Variants in CAP2 observed in about 807,000 individuals in gnomAD.
CAP2 encodes adenylyl cyclase-associated protein 2.
Under a neutral mutation model 57.7 loss-of-function variants are expected in CAP2, and 24 were observed. That is an observed-to-expected ratio of 0.42 (90% CI 0.30 to 0.58). The LOEUF (loss-of-function observed/expected upper bound fraction) is 0.58. CAP2 is among the 20% of genes least tolerant of loss of function. The pLI is 0.22. For synonymous variants in CAP2, 194 were observed against 207.2 expected (o/e 0.94, Z 0.55); for missense variants, 501 against 590.3 (o/e 0.85, Z 1.57).
At chr6:17,404,416 T>G (rs936204001) in intron 1 of CAP2, among the ~76,000 whole-genome samples, 4 of 152,064 alleles carry the variant, frequency 2.6e-5, no homozygotes, top group South Asian at 2.1e-4. Context: ...CCATCCTGGC[T>G]AACACGGTGA....
At chr6:17,409,451 A>G (rs1434133588) in intron 1 of CAP2, among the ~76,000 whole-genome samples, 2 of 152,092 alleles carry the variant, frequency 1.3e-5, no homozygotes, top group African/African-American at 4.8e-5. Context: ...ACTTACCATG[A>G]TAATTCAGGG....
rs1432436693 is a variant in CAP2, at chr6:17,426,460, C to A, written c.122-130C>A. 1.8e-5 allele frequency: 12 copies of A among 665,584 alleles called. No homozygotes were observed. The East Asian group carries it at 3.1e-4, about 17-fold the overall frequency. The allele number at this position is 665,584 out of a possible 1,614,324, so 41.2% of individuals were successfully genotyped here. ...ATGTTGTCCAGGCTGGTCTTAAACTCCTGACCTCAGGTGATCTGCCTGCCT... is the reference window on the plus strand; with the variant it reads ...ATGTTGTCCAGGCTGGTCTTAAACTACTGACCTCAGGTGATCTGCCTGCCT... On this transcript the variant is annotated intron_variant, in intron 2 of 12. Coordinates refer to ENST00000229922, the MANE Select transcript of CAP2 (RefSeq NM_006366.3).
chr6:17,433,182 T>C (rs909448902), intron 3 of CAP2, among the ~76,000 whole-genome samples: 3 of 152,106 alleles, frequency 2.0e-5, no homozygotes, highest in Non-Finnish European at 4.4e-5. Context: ...TCATCACCAT[T>C]GTAAAAAGCA....
intron 1 of CAP2, among the ~76,000 whole-genome samples, chr6:17,407,041 T>G (rs187504565): frequency 5.9e-5 from 9 of 152,358 alleles, no homozygotes; most frequent in Admixed American, 5.9e-4. Context: ...TGGAATCAGA[T>G]AGTTGCCTTT....
chr6:17,452,532 T>C (rs893364855), intron 3 of CAP2, among the ~76,000 whole-genome samples: 2 of 152,198 alleles, frequency 1.3e-5, no homozygotes, highest in African/African-American at 4.8e-5. Context: ...TATTCTTGGC[T>C]ATGACAGCAC....
At chr6:17,533,306 A>G (rs1361239398) in intron 7 of CAP2, among the ~76,000 whole-genome samples, 1 of 152,100 alleles carries the variant, frequency 6.6e-6, no homozygotes, top group Non-Finnish European at 1.5e-5. Flanking sequence ...TTATAGCTAC[A>G]GTTCATATAT....
intron 7 of CAP2, among the ~76,000 whole-genome samples, chr6:17,519,222 C>T (rs939313629): frequency 6.6e-6 from 1 of 152,156 alleles, no homozygotes; most frequent in African/African-American, 2.4e-5. Context: ...ATCCCATCTC[C>T]TAACCTCTGC....
chr6:17,532,167 G>A, intron 7 of CAP2, among the ~76,000 whole-genome samples: 1 of 117,590 alleles, frequency 8.5e-6, no homozygotes, highest in South Asian at 2.7e-4. Context: ...TGGAGGCAGA[G>A]TCTCACTCTA....
chr6:17,463,171 T>TA, intron 4 of CAP2, 98 bp downstream of exon 4: 1 of 797,478 alleles, frequency 1.3e-6, no homozygotes, highest in Non-Finnish European at 2.1e-6. Flanking sequence ...GTCGACCTCC[T>TA]AAAAATGAGA....
At chr6:17,507,579 A>G (rs1561809327) in intron 5 of CAP2, 62 bp from the exon 6 acceptor site, 7 of 1,035,390 alleles carry the variant, frequency 6.8e-6, no homozygotes, top group Non-Finnish European at 1.1e-5. Context: ...TCTTTAAGGC[A>G]TTTTCTTTCT....
At chr6:17,443,435 A>G (rs1760150043) in intron 3 of CAP2, among the ~76,000 whole-genome samples, 1 of 152,060 alleles carries the variant, frequency 6.6e-6, no homozygotes, top group Non-Finnish European at 1.5e-5. Flanking sequence ...TTCTATCTAG[A>G]CTTCGAGATA....
intron 7 of CAP2, among the ~76,000 whole-genome samples, chr6:17,525,503 A>C (rs1248282869): frequency 2.0e-5 from 3 of 151,508 alleles, no homozygotes; most frequent in African/African-American, 7.3e-5. Flanking sequence ...AAGCTTCTCC[A>C]ACCTCTGCTT....
chr6:17,521,082 C>T (rs781070691), intron 7 of CAP2, among the ~76,000 whole-genome samples: 2 of 152,282 alleles, frequency 1.3e-5, no homozygotes, highest in Admixed American at 6.5e-5. Flanking sequence ...CTCTTATTCT[C>T]TTATGGAAGG....
At chr6:17,494,994 T>C (rs886996779) in intron 4 of CAP2, among the ~76,000 whole-genome samples, 10 of 152,196 alleles carry the variant, frequency 6.6e-5, no homozygotes, top group African/African-American at 2.4e-4. Flanking sequence ...TCTTCCTGGA[T>C]CTCCAGCCTG....
At chr6:17,441,758 T>A (rs1052062368) in intron 3 of CAP2, among the ~76,000 whole-genome samples, 11 of 152,216 alleles carry the variant, frequency 7.2e-5, no homozygotes, top group African/African-American at 2.7e-4. Context: ...GTGTTGGGAT[T>A]ACAGGAGCGA....
intron 4 of CAP2, among the ~76,000 whole-genome samples, chr6:17,473,806 T>A (rs1296643653): frequency 1.3e-5 from 2 of 152,232 alleles, no homozygotes; most frequent in Non-Finnish European, 2.9e-5. Context: ...AACCATCATT[T>A]GATATTAGTG....
At position 17,407,476 on chromosome 6, in the gene CAP2, C is replaced by T. The variant is rs565237698; in HGVS notation, c.-2+13730C>T. ...CCTGGGCAGCTGAGTGAGAACCTGT[C>T]TTGAAAAAAAAAAAAAATGGCCAGG... is the stretch of plus-strand genomic sequence containing the variant. On this transcript the variant is annotated intron_variant, in intron 1 of 12. Coordinates refer to ENST00000229922, the MANE Select transcript of CAP2 (RefSeq NM_006366.3). 1.7e-4 allele frequency among the ~76,000 whole-genome samples: 25 copies of T among 146,342 alleles called. No homozygotes were observed. The South Asian group carries it at 2.4e-3, about 14-fold the overall frequency.
intron 11 of CAP2, among the ~76,000 whole-genome samples, chr6:17,545,740 C>T (rs571857019): frequency 6.6e-6 from 1 of 152,250 alleles, no homozygotes; most frequent in Admixed American, 6.5e-5. Context: ...TGTTCCCCTT[C>T]CTGTGTCCAA....
intron 1 of CAP2, among the ~76,000 whole-genome samples, chr6:17,404,323 T>C (rs537440694): frequency 1.4e-3 from 213 of 151,900 alleles, no homozygotes; most frequent in Admixed American, 5.1e-3. Flanking sequence ...ATACAAAAAA[T>C]GGCTGGGTGC....
Sources: gnomAD v4.1 joint callset for allele counts (sites outside exome capture counted in the v4.1 genomes callset) on GRCh38, gnomAD v4.1.1 for gene constraint, MANE v1.5 for transcripts, NCBI Gene and HGNC (gene_info 2026-07-23, HGNC 2026-07-21) for gene names.